The following NTNG1 variants were observed in gnomAD, a reference collection of about 807,000 sequenced individuals.
The protein encoded by NTNG1 is netrin-G1.
In NTNG1, 16 loss-of-function variants were observed where a neutral mutation model predicts 54.0. The observed-to-expected ratio is 0.30, with a 90% CI of 0.20 to 0.45. The LOEUF (loss-of-function observed/expected upper bound fraction) is 0.45. NTNG1 is among the 20% of genes least tolerant of loss of function. The pLI, the probability that NTNG1 is intolerant of heterozygous loss-of-function variation, is 1.00. For missense variants in NTNG1, 530 were observed against 678.7 expected, an observed-to-expected ratio of 0.78 and a Z score of 2.43; for synonymous variants, 255 against 263.1, an observed-to-expected ratio of 0.97 and a Z score of 0.30.
At chr1:107,198,145 T>G (rs569560679) in intron 2 of NTNG1, among the ~76,000 whole-genome samples, 5 of 152,132 alleles carry the variant, frequency 3.3e-5, no homozygotes, top group Admixed American at 2.6e-4. Flanking sequence ...AATTGGAAAT[T>G]TAAACAGTGA....
rs1221902062 is a variant in NTNG1, at chr1:107,242,507, C to T, written c.247-81775C>T. On this transcript the variant is annotated intron_variant, in intron 2 of 7. Coordinates refer to ENST00000370068, the MANE Select transcript of NTNG1 (RefSeq NM_001113226.3). ...AATAGTATAACAATTGCAGATTAGC[C>T]TCTGAGCTTTACTGAACACCAGATA... is the stretch of plus-strand genomic sequence containing the variant. 2.0e-5 allele frequency among the ~76,000 whole-genome samples: 3 copies of T among 152,170 alleles called. No individual in the cohort carries two copies. In the South Asian group the frequency reaches 6.2e-4, roughly 32 times the overall value.
At chr1:107,448,040 C>T (rs914152462) in intron 7 of NTNG1, among the ~76,000 whole-genome samples, 1 of 152,040 alleles carries the variant, frequency 6.6e-6, no homozygotes, top group African/African-American at 2.4e-5. Flanking sequence ...CATCCAAGGG[C>T]CACGGTTCAA....
chr1:107,234,400 G>A (rs1661268393), intron 2 of NTNG1, among the ~76,000 whole-genome samples: 1 of 152,170 alleles, frequency 6.6e-6, no homozygotes, highest in Non-Finnish European at 1.5e-5. Flanking sequence ...TGGGATTACA[G>A]GCATGAGCCA....
chr1:107,408,799 C>T (rs1288607549), intron 5 of NTNG1: 1 of 151,986 alleles, frequency 6.6e-6, no homozygotes, highest in African/African-American at 2.4e-5. Flanking sequence ...CTGTGCCAGG[C>T]AGGGTGATCG....
chr1:107,310,882 T>C (rs1666970671), intron 2 of NTNG1, among the ~76,000 whole-genome samples: 1 of 151,866 alleles, frequency 6.6e-6, no homozygotes, highest in Non-Finnish European at 1.5e-5. Flanking sequence ...AAAAAATAAA[T>C]CCAAGACTAG....
intron 3 of NTNG1, among the ~76,000 whole-genome samples, chr1:107,373,906 T>C (rs1295045757): frequency 1.3e-5 from 2 of 152,136 alleles, no homozygotes; most frequent in South Asian, 2.1e-4. Flanking sequence ...CTTGCTTTTT[T>C]GCTCAGGCAG....
At chr1:107,230,847 A>G (rs1450574642) in intron 2 of NTNG1, among the ~76,000 whole-genome samples, 2 of 152,108 alleles carry the variant, frequency 1.3e-5, no homozygotes. Context: ...TAGATAATAC[A>G]GCAATAAGAT....
At position 107,297,086 on chromosome 1, in the gene NTNG1, GACAC is replaced by G. The variant is rs34213703; in HGVS notation, c.247-27170_247-27167del. The stretch of plus-strand genomic sequence containing the variant: ...TACTCTGGTTATCTTTACAGATGAG[GACAC>G]ACACACACACACACACACACACACA... On this transcript the variant is annotated intron_variant, in intron 2 of 7. Coordinates refer to ENST00000370068, the MANE Select transcript of NTNG1 (RefSeq NM_001113226.3). 6.1e-3 allele frequency among the ~76,000 whole-genome samples: 834 copies of G among 137,328 alleles called. 7 individuals carry two copies. The highest frequency in any genetic ancestry group is 0.017 in the African/African-American group (617 of 36,994). The allele number at this position is 137,328 out of a possible 152,430, so 90.1% of individuals were successfully genotyped here.
chr1:107,256,329 A>G (rs1193631152), intron 2 of NTNG1, among the ~76,000 whole-genome samples: 3 of 152,212 alleles, frequency 2.0e-5, no homozygotes, highest in Non-Finnish European at 4.4e-5. Flanking sequence ...TTCTGGAGCT[A>G]TGAACTGCTA....
intron 7 of NTNG1, among the ~76,000 whole-genome samples, chr1:107,455,960 A>G (rs993920666): frequency 2.0e-5 from 3 of 152,202 alleles, no homozygotes; most frequent in Admixed American, 2.0e-4. Context: ...AGGATCTTTG[A>G]AAACATGGAG....
intron 2 of NTNG1, among the ~76,000 whole-genome samples, chr1:107,283,512 A>G (rs777090945): frequency 4.9e-4 from 74 of 152,196 alleles, no homozygotes; most frequent in Non-Finnish European, 7.1e-4. Flanking sequence ...TTCATTTTCA[A>G]TTTTCCAAGT....
intron 7 of NTNG1, among the ~76,000 whole-genome samples, chr1:107,437,405 C>T (rs1675672458): frequency 6.6e-6 from 1 of 152,184 alleles, no homozygotes; most frequent in Non-Finnish European, 1.5e-5. Context: ...TTGAGATTAC[C>T]AGGTCTTCAA....
At chr1:107,214,879 T>C (rs141607757) in intron 2 of NTNG1, among the ~76,000 whole-genome samples, 53 of 152,196 alleles carry the variant, frequency 3.5e-4, no homozygotes, top group African/African-American at 1.2e-3. Flanking sequence ...TCTCTCATCA[T>C]TAGTGATGTT....
At chr1:107,191,987 G>A (rs925905675) in intron 2 of NTNG1, among the ~76,000 whole-genome samples, 9 of 152,142 alleles carry the variant, frequency 5.9e-5, no homozygotes, top group East Asian at 1.9e-4. Flanking sequence ...AGCTTGATGG[G>A]GATGGCATTG....
chr1:107,170,787 A>G (rs1410513549), intron 2 of NTNG1, among the ~76,000 whole-genome samples: 1 of 152,158 alleles, frequency 6.6e-6, no homozygotes, highest in Non-Finnish European at 1.5e-5. Flanking sequence ...ATTATAATTT[A>G]TTAAGTTACC....
chr1:107,290,306 C>A lies in NTNG1; in HGVS notation c.247-33976C>A, dbSNP rs569430030. Among the ~76,000 whole-genome samples, 8 of 152,218 alleles carry A rather than the reference C, an allele frequency of 5.3e-5. No homozygotes were observed. In the East Asian group the frequency reaches 1.4e-3, roughly 26 times the overall value. ...TGGCTTGAGAGCCTCAATGACCCTGCCTTCAAGCCAAGTTTATTTTAGCAG... is the reference window on the plus strand; with the variant it reads ...TGGCTTGAGAGCCTCAATGACCCTGACTTCAAGCCAAGTTTATTTTAGCAG... On this transcript the variant is annotated intron_variant, in intron 2 of 7. Transcript: ENST00000370068.
At chr1:107,277,806 T>C (rs1664580063) in intron 2 of NTNG1, among the ~76,000 whole-genome samples, 1 of 152,230 alleles carries the variant, frequency 6.6e-6, no homozygotes. Context: ...GCATATCTAA[T>C]TTATAGGAGT....
At chr1:107,457,056 T>C (rs185724109) in intron 7 of NTNG1, among the ~76,000 whole-genome samples, 37 of 152,378 alleles carry the variant, frequency 2.4e-4, no homozygotes, top group Admixed American at 5.9e-4. Flanking sequence ...AACTAGGTTA[T>C]ATTATCTGAA....
In NTNG1 at chr1:107,354,222, G is replaced by A. The variant is rs146460290; in HGVS notation, c.887+29300G>A. Among the ~76,000 whole-genome samples, 81 of 152,094 alleles carry A rather than the reference G, an allele frequency of 5.3e-4. 2 individuals carry two copies. In the East Asian group the frequency reaches 0.014, roughly 26 times the overall value. On this transcript the variant is annotated intron_variant, in intron 3 of 7. Transcript: ENST00000370068. ...ATGGTGGCTCATGCCTGTAATCCCA[G>A]CACTTTGGGAGGCTGAAGCGGGCAG...
Sources: gnomAD v4.1 joint callset for allele counts (sites outside exome capture counted in the v4.1 genomes callset) on GRCh38, gnomAD v4.1.1 for gene constraint, MANE v1.5 for transcripts, NCBI Gene and HGNC (gene_info 2026-07-23, HGNC 2026-07-21) for gene names.